Variants in DLGAP1 observed in about 807,000 individuals in gnomAD.
The protein encoded by DLGAP1 is DLG associated protein 1, also known as disks large-associated protein 1.
Under a neutral mutation model 90.8 loss-of-function variants are expected in DLGAP1, and 11 were observed. The ratio of observed to expected loss-of-function variants is 0.12; its 90% CI spans 0.08 to 0.20. The LOEUF is 0.20. DLGAP1 is among the 10% of genes least tolerant of loss of function. The pLI is 1.00. For missense variants in DLGAP1, 1,050 were observed against 1,333.8 expected (o/e 0.79, Z 3.31); for synonymous variants, 558 against 540.7 (o/e 1.03, Z -0.44).
At chr18:4,154,022 TCC>T (rs1179815143) in intron 1 of DLGAP1, among the ~76,000 whole-genome samples, 1 of 152,114 alleles carries the variant, frequency 6.6e-6, no homozygotes, top group Admixed American at 6.6e-5. Flanking sequence ...TGCCTCCTGC[TCC>T]CTCTTTTTCA....
chr18:3,962,140 A>G (rs1423951594), intron 3 of DLGAP1, among the ~76,000 whole-genome samples: 1 of 152,228 alleles, frequency 6.6e-6, no homozygotes, highest in Non-Finnish European at 1.5e-5. Flanking sequence ...ACAATCAGGC[A>G]GTTACGTCTC....
At chr18:4,031,762 T>C (rs2074800219) in intron 2 of DLGAP1, among the ~76,000 whole-genome samples, 1 of 152,124 alleles carries the variant, frequency 6.6e-6, no homozygotes, top group South Asian at 2.1e-4. Context: ...TAGGAAATGA[T>C]TGGAAGGAAA....
At chr18:4,393,339 C>T (rs577251847) in intron 1 of DLGAP1, among the ~76,000 whole-genome samples, 1 of 152,308 alleles carries the variant, frequency 6.6e-6, no homozygotes, top group Non-Finnish European at 1.5e-5. Context: ...TCAGCCACAG[C>T]CATCTTTTTG....
At chr18:3,990,492 G>T in intron 3 of DLGAP1, among the ~76,000 whole-genome samples, 1 of 144,874 alleles carries the variant, frequency 6.9e-6, no homozygotes, top group African/African-American at 2.5e-5. Flanking sequence ...TGTGGGGTGG[G>T]GGAGGGGGGA....
chr18:3,784,999 T>A (rs2065378560), intron 5 of DLGAP1, among the ~76,000 whole-genome samples: 1 of 152,094 alleles, frequency 6.6e-6, no homozygotes, highest in African/African-American at 2.4e-5. Flanking sequence ...TACTTCTCCC[T>A]TTAAAAAAAA....
intron 7 of DLGAP1, among the ~76,000 whole-genome samples, chr18:3,706,718 G>C (rs1023865101): frequency 1.3e-5 from 2 of 152,154 alleles, no homozygotes; most frequent in African/African-American, 4.8e-5. Context: ...GAGAGAAACT[G>C]AAGAGATGAC....
At chr18:3,634,085 T>C (rs1173798313) in intron 7 of DLGAP1, among the ~76,000 whole-genome samples, 1 of 152,170 alleles carries the variant, frequency 6.6e-6, no homozygotes, top group Non-Finnish European at 1.5e-5. Context: ...AGAAAATATC[T>C]GAATACACAA....
chr18:3,523,724 G>C (rs118017073), intron 10 of DLGAP1, among the ~76,000 whole-genome samples: 1 of 151,792 alleles, frequency 6.6e-6, no homozygotes, highest in Non-Finnish European at 1.5e-5. Flanking sequence ...GCGTGCGCCC[G>C]TAGTCCCAGC....
intron 1 of DLGAP1, among the ~76,000 whole-genome samples, chr18:4,393,070 G>T (rs760632686): frequency 6.6e-6 from 1 of 152,142 alleles, no homozygotes; most frequent in Non-Finnish European, 1.5e-5. Context: ...CAGCCCTCAC[G>T]TGGTTGTCAA....
chr18:4,218,572 G>A (rs534202469), intron 1 of DLGAP1, among the ~76,000 whole-genome samples: 13 of 151,728 alleles, frequency 8.6e-5, no homozygotes, highest in African/African-American at 2.2e-4. Context: ...TTATTCCTCC[G>A]ATCTAAATTA....
chr18:3,711,477 T>C lies in DLGAP1; in HGVS notation c.1591+17658A>G, dbSNP rs553327888. On this transcript the variant is annotated intron_variant, in intron 7 of 12. Coordinates refer to ENST00000315677, the MANE Select transcript of DLGAP1 (RefSeq NM_004746.4). This position sits in a 1 kb window ranked among gnomAD's most constrained non-coding sequence, Gnocchi z 4.0. ...CCACCTAGGTGAGACAACTTCAACTTCAATCACCTAAAAGTGGCTCACGTA... is the reference window on the plus strand; with the variant it reads ...CCACCTAGGTGAGACAACTTCAACTCCAATCACCTAAAAGTGGCTCACGTA... Among the ~76,000 whole-genome samples, 1 of 152,320 alleles carries C rather than the reference T, an allele frequency of 6.6e-6. No homozygotes were observed. Among genetic ancestry groups the C allele is most frequent in the East Asian group, 1.9e-4 (1 of 5,182 alleles).
chr18:4,261,135 T>C lies in DLGAP1; in HGVS notation c.-266-109848A>G, dbSNP rs140246179. On this transcript the variant is annotated intron_variant, in intron 1 of 12. Coordinates refer to ENST00000315677, the MANE Select transcript of DLGAP1 (RefSeq NM_004746.4). Reference sequence around the variant, plus strand: ...ACATTGGTATCTAAAAGGCAGAGTATGTCCATGATGGGATTTGCACTGAAA... The same window carrying C: ...ACATTGGTATCTAAAAGGCAGAGTACGTCCATGATGGGATTTGCACTGAAA... 2.0e-3 allele frequency among the ~76,000 whole-genome samples: 302 copies of C among 152,304 alleles called. 2 individuals carry two copies. The highest frequency in any genetic ancestry group is 6.6e-3 in the African/African-American group (276 of 41,556).
intron 5 of DLGAP1, among the ~76,000 whole-genome samples, chr18:3,804,384 C>T (rs539045378): frequency 4.5e-4 from 69 of 152,330 alleles, no homozygotes; most frequent in Non-Finnish European, 9.1e-4. Flanking sequence ...CTCCCTGCCC[C>T]CTCATAGAAC....
chr18:4,000,674 T>C (rs1016790270), intron 3 of DLGAP1, among the ~76,000 whole-genome samples: 1 of 152,232 alleles, frequency 6.6e-6, no homozygotes, highest in African/African-American at 2.4e-5. Context: ...AGATCAATGT[T>C]GCTGGTTATA....
chr18:3,511,294 TTTTGTTTTG>T (rs1004399419), intron 10 of DLGAP1, among the ~76,000 whole-genome samples: 1 of 152,044 alleles, frequency 6.6e-6, no homozygotes, highest in African/African-American at 2.4e-5. Flanking sequence ...TTTTGTTTTG[TTTTGTTTTG>T]TTTTATTTTT....
intron 1 of DLGAP1, among the ~76,000 whole-genome samples, chr18:4,187,754 T>C (rs1314078179): frequency 6.6e-6 from 1 of 152,088 alleles, no homozygotes; most frequent in African/African-American, 2.4e-5. Flanking sequence ...TCTCAGCAAT[T>C]TGGGAGGCTG....
At chr18:3,944,115 G>A (rs904074070) in intron 3 of DLGAP1, among the ~76,000 whole-genome samples, 3 of 144,258 alleles carry the variant, frequency 2.1e-5, no homozygotes, top group East Asian at 1.9e-4. Flanking sequence ...CCCATAGGAC[G>A]TGTGTGTGTC....
In DLGAP1 at chr18:3,879,994, G is replaced by C. The variant is rs992736384; in HGVS notation, c.75C>G (p.His25Gln). ...GCAGGTAGGGCTTGCGGTCGGAGTG[G>C]TGCGACAGCGAGTCACAGGCCGAGT... ...TCDSACDSLS[H>Q]HSDRKPYLLS... The change falls in exon 4 of 13, where the codon CAC becomes CAG. Residue 25 changes from histidine (H) to glutamine (Q), a missense_variant. This residue lies in a region of DLGAP1 where 485 missense variants were observed against 454.1 expected (regional missense o/e 1.07). Coordinates refer to ENST00000315677, the MANE Select transcript of DLGAP1 (RefSeq NM_004746.4). This position sits in a 1 kb window ranked among gnomAD's most constrained non-coding sequence, Gnocchi z 6.6. The C allele has an allele frequency of 1.2e-6, 2 of 1,611,280 alleles. No homozygotes were observed. Among genetic ancestry groups the C allele is most frequent in the African/African-American group, 1.3e-5 (1 of 75,048 alleles).
chr18:4,062,365 C>T (rs2075310955), intron 2 of DLGAP1, among the ~76,000 whole-genome samples: 1 of 147,544 alleles, frequency 6.8e-6, no homozygotes, highest in African/African-American at 2.5e-5. Context: ...CTTGGGAAAA[C>T]TGGCCTCATA....
Sources: allele counts gnomAD v4.1 joint callset (sites outside exome capture counted in the v4.1 genomes callset), GRCh38; gene constraint gnomAD v4.1.1; regional missense constraint gnomAD v4.1.1; non-coding constraint Gnocchi (gnomAD v3.1); transcripts MANE v1.5; gene names NCBI Gene and HGNC (gene_info 2026-07-23, HGNC 2026-07-21).